EYS: variants seen among roughly 807,000 people sequenced by gnomAD.
EYS encodes EGF-like photoreceptor maintenance factor.
EYS carries 250 observed loss-of-function variants against 282.1 expected under a neutral mutation model. The ratio of observed to expected loss-of-function variants is 0.89; its 90% CI spans 0.80 to 0.98. EYS has a LOEUF of 0.98. Ranked by LOEUF, EYS falls within the 50% of genes least tolerant of loss-of-function variation. The pLI, the probability that EYS is intolerant of heterozygous loss-of-function variation, is 0.00. For missense variants in EYS, 4,016 were observed against 3,709.0 expected, an observed-to-expected ratio of 1.08 and a Z score of -2.15; for synonymous variants, 1,355 against 1,282.9, an observed-to-expected ratio of 1.06 and a Z score of -1.20.
At chr6:64,380,113 A>T (rs567768093) in intron 29 of EYS, among the ~76,000 whole-genome samples, 125 of 150,804 alleles carry the variant, frequency 8.3e-4, no homozygotes, top group African/African-American at 3.0e-3. Context: ...TGCAACTTCA[A>T]TTTTTTTTTT....
intron 15 of EYS, among the ~76,000 whole-genome samples, chr6:64,944,527 G>A (rs1467025976): frequency 6.6e-6 from 1 of 152,012 alleles, no homozygotes; most frequent in Admixed American, 6.6e-5. Context: ...GAAAGCCGTA[G>A]GGACCTCTGC....
At position 64,779,894 on chromosome 6, in the gene EYS, G is replaced by T. The variant is rs185017507; in HGVS notation, c.3443+33484C>A. Among the ~76,000 whole-genome samples, 11 of 152,220 alleles carry T rather than the reference G, an allele frequency of 7.2e-5. No individual in the cohort carries two copies. The East Asian group carries it at 1.9e-3, about 27-fold the overall frequency. ...TGGAACTGGTTTAGTAATTACTAGT[G>T]CTCTCCTGCCTGGGGATCACCTCTC... On this transcript the variant is annotated intron_variant, in intron 22 of 42. Coordinates refer to ENST00000503581, the MANE Select transcript of EYS (RefSeq NM_001142800.2).
At chr6:64,151,490 A>G (rs1774735173) in intron 31 of EYS, among the ~76,000 whole-genome samples, 1 of 150,586 alleles carries the variant, frequency 6.6e-6, no homozygotes, top group Non-Finnish European at 1.5e-5. Context: ...CCTCCCTAGT[A>G]GCTGGGACTA....
intron 8 of EYS, among the ~76,000 whole-genome samples, chr6:65,370,821 A>T (rs1765114924): frequency 6.6e-6 from 1 of 151,932 alleles, no homozygotes; most frequent in South Asian, 2.1e-4. Context: ...ATTTGGCATA[A>T]TTTGCCTTTA....
At chr6:65,040,818 C>G (rs759618640) in intron 13 of EYS, among the ~76,000 whole-genome samples, 1 of 151,666 alleles carries the variant, frequency 6.6e-6, no homozygotes, top group Non-Finnish European at 1.5e-5. Flanking sequence ...AGTGTTTGAC[C>G]AATCCCAGCT....
intron 13 of EYS, among the ~76,000 whole-genome samples, chr6:65,057,341 C>T (rs1773447342): frequency 6.6e-6 from 1 of 151,960 alleles, no homozygotes; most frequent in Non-Finnish European, 1.5e-5. Context: ...TAATATATTC[C>T]TTCCTTACTT....
At chr6:65,015,550 T>G (rs555082341) in intron 13 of EYS, among the ~76,000 whole-genome samples, 4 of 152,314 alleles carry the variant, frequency 2.6e-5, no homozygotes, top group African/African-American at 9.6e-5. Context: ...TATCTAAAAA[T>G]ATATATAATG....
At chr6:65,129,551 CAT>C (rs1775808984) in intron 12 of EYS, among the ~76,000 whole-genome samples, 1 of 151,810 alleles carries the variant, frequency 6.6e-6, no homozygotes, top group Admixed American at 6.6e-5. Context: ...AGCCAACAAA[CAT>C]AAAAAAAATG....
intron 2 of EYS, among the ~76,000 whole-genome samples, chr6:65,591,926 A>G (rs1384627797): frequency 6.6e-6 from 1 of 152,050 alleles, no homozygotes; most frequent in Non-Finnish European, 1.5e-5. Context: ...ATGTGTCATT[A>G]TCTCTGACAT....
chr6:64,843,443 G>C (rs1409104830), intron 19 of EYS, among the ~76,000 whole-genome samples: 1 of 152,196 alleles, frequency 6.6e-6, no homozygotes, highest in Non-Finnish European at 1.5e-5. Flanking sequence ...AACTGCCCAA[G>C]ACTAAGGGAA....
chr6:63,731,313 T>C (rs575294027), intron 41 of EYS, among the ~76,000 whole-genome samples: 1 of 152,346 alleles, frequency 6.6e-6, no homozygotes, highest in South Asian at 2.1e-4. Flanking sequence ...GAGTTTCTCG[T>C]GTGAATATTG....
intron 12 of EYS, among the ~76,000 whole-genome samples, chr6:65,115,986 T>TATCTATCTATCTA (rs1775364127): frequency 6.6e-6 from 1 of 150,578 alleles, no homozygotes; most frequent in Non-Finnish European, 1.5e-5. Flanking sequence ...TCTATCTATC[T>TATCTATCTATCTA]ATCTATCTAT....
At chr6:63,856,156 T>C (rs886314424) in intron 36 of EYS, among the ~76,000 whole-genome samples, 4 of 152,000 alleles carry the variant, frequency 2.6e-5, no homozygotes, top group Admixed American at 2.6e-4. Context: ...CAGTATTCAT[T>C]TGATATGAAG....
chr6:65,166,684 A>C (rs904881969), intron 12 of EYS, among the ~76,000 whole-genome samples: 1 of 151,132 alleles, frequency 6.6e-6, no homozygotes, highest in Admixed American at 6.6e-5. Flanking sequence ...CATATAACAA[A>C]ATCATAAGTG....
chr6:64,902,989 C>T lies in EYS; in HGVS notation c.2642-489G>A, dbSNP rs543701786. On this transcript the variant is annotated intron_variant, in intron 16 of 42. Coordinates refer to ENST00000503581, the MANE Select transcript of EYS (RefSeq NM_001142800.2). The stretch of plus-strand genomic sequence containing the variant: ...GATTCACAGCTACATAATCAGTCAT[C>T]CATTTAAACACATGCCAGTTATATT... Among the ~76,000 whole-genome samples the T allele has an allele frequency of 4.6e-5, 7 of 151,848 alleles. No homozygotes were observed. In the East Asian group the frequency reaches 1.4e-3, roughly 29 times the overall value.
chr6:65,130,323 A>G (rs571922641), intron 12 of EYS, among the ~76,000 whole-genome samples: 1 of 152,086 alleles, frequency 6.6e-6, no homozygotes, highest in South Asian at 2.1e-4. Context: ...AGTTTTAAAT[A>G]AGTTACGTTC....
intron 28 of EYS, among the ~76,000 whole-genome samples, chr6:64,423,812 GA>G (rs200907955): frequency 0.011 from 1,697 of 151,224 alleles, 30 homozygotes; most frequent in African/African-American, 0.037. Context: ...CATCATGGGG[GA>G]AAAAAAAATT....
intron 35 of EYS, among the ~76,000 whole-genome samples, chr6:63,908,055 TGTGTG>T (rs1773828330): frequency 2.2e-5 from 3 of 137,934 alleles, no homozygotes; most frequent in African/African-American, 8.1e-5. Flanking sequence ...TGTGTGTGTG[TGTGTG>T]TGTGTAAATA....
chr6:64,848,983 A>T (rs148866775), intron 19 of EYS, among the ~76,000 whole-genome samples: 141 of 152,186 alleles, frequency 9.3e-4, no homozygotes, highest in African/African-American at 3.2e-3. Context: ...AGAACTGCAA[A>T]TCATATTGAT....
Sources: gnomAD v4.1 joint callset for allele counts (sites outside exome capture counted in the v4.1 genomes callset) on GRCh38, gnomAD v4.1.1 for gene constraint, MANE v1.5 for transcripts, NCBI Gene and HGNC (gene_info 2026-07-23, HGNC 2026-07-21) for gene names.